Variants in NRG1 observed in about 807,000 individuals in gnomAD.
The protein encoded by NRG1 is pro-neuregulin-1, membrane-bound isoform.
NRG1 carries 18 observed loss-of-function variants against 63.8 expected under a neutral mutation model. That is an observed-to-expected ratio of 0.28 (90% CI 0.19 to 0.42). The LOEUF is 0.42. Among genes scored for constraint, NRG1 ranks in the 10% least tolerant of loss-of-function variants. The pLI, the probability that NRG1 is intolerant of heterozygous loss-of-function variation, is 1.00. For synonymous variants in NRG1, 302 were observed against 301.3 expected (o/e 1.00, Z -0.02); for missense variants, 762 against 814.7 (o/e 0.94, Z 0.79).
At chr8:32,734,418 ACT>A (rs1297195707) in intron 6 of NRG1, among the ~76,000 whole-genome samples, 1 of 152,092 alleles carries the variant, frequency 6.6e-6, no homozygotes, top group African/African-American at 2.4e-5. Context: ...ATAAGAACAC[ACT>A]TTTGTTGTAT....
intron 5 of NRG1, among the ~76,000 whole-genome samples, chr8:32,691,369 A>G (rs1388608047): frequency 2.6e-5 from 4 of 152,092 alleles, no homozygotes; most frequent in African/African-American, 9.7e-5. Context: ...CAAAACAAAC[A>G]AACAAAAATA....
chr8:32,738,586 T>C (rs1234348671), intron 6 of NRG1, among the ~76,000 whole-genome samples: 2 of 152,206 alleles, frequency 1.3e-5, no homozygotes, highest in Non-Finnish European at 2.9e-5. Context: ...CTGTTATTCT[T>C]ATCTTCCAGG....
intron 1 of NRG1, among the ~76,000 whole-genome samples, chr8:31,696,298 G>A (rs906984012): frequency 3.9e-5 from 6 of 152,108 alleles, no homozygotes; most frequent in Admixed American, 1.3e-4. Flanking sequence ...AACTCCTGAC[G>A]TCAAGTGATC....
chr8:31,958,553 T>C (rs1005203798), intron 1 of NRG1, among the ~76,000 whole-genome samples: 1 of 152,162 alleles, frequency 6.6e-6, no homozygotes, highest in Admixed American at 6.5e-5. Flanking sequence ...CCATCCTACA[T>C]GGAGAATGTA....
intron 1 of NRG1, among the ~76,000 whole-genome samples, chr8:32,295,006 A>G (rs1018273044): frequency 5.3e-5 from 8 of 152,112 alleles, no homozygotes; most frequent in Admixed American, 1.3e-4. Context: ...ATTATTTACA[A>G]TCCTCTCTCT....
chr8:32,559,082 C>T (rs1193056570), intron 1 of NRG1, among the ~76,000 whole-genome samples: 3 of 17,798 alleles, frequency 1.7e-4, no homozygotes, highest in Non-Finnish European at 4.0e-4. Flanking sequence ...CTTGTCTCAG[C>T]GAAAAAAAAA....
At chr8:32,770,415 T>G (rs1831708474), downstream of NRG1, among the ~76,000 whole-genome samples, 1 of 152,112 alleles carries the variant, frequency 6.6e-6, no homozygotes, top group Non-Finnish European at 1.5e-5. Flanking sequence ...GCAAATCCAG[T>G]TTCTTTCTAT....
chr8:32,270,059 C>T (rs1182795046), intron 1 of NRG1, among the ~76,000 whole-genome samples: 1 of 152,076 alleles, frequency 6.6e-6, no homozygotes, highest in Admixed American at 6.6e-5. Context: ...TTACGAATAC[C>T]CATAATAAAC....
intron 1 of NRG1, among the ~76,000 whole-genome samples, chr8:32,476,137 T>C (rs1824489610): frequency 6.6e-6 from 1 of 152,136 alleles, no homozygotes; most frequent in Admixed American, 6.6e-5. Context: ...TAAAGGTGTA[T>C]TTGACAAAAA....
chr8:31,936,343 T>C (rs1835299367), intron 1 of NRG1, among the ~76,000 whole-genome samples: 1 of 152,222 alleles, frequency 6.6e-6, no homozygotes, highest in Non-Finnish European at 1.5e-5. Flanking sequence ...TATTTGATGA[T>C]TTCGCAGTTA....
chr8:32,289,007 T>G (rs1368472306), intron 1 of NRG1, among the ~76,000 whole-genome samples: 1 of 152,210 alleles, frequency 6.6e-6, no homozygotes, highest in African/African-American at 2.4e-5. Flanking sequence ...TAACTGCACT[T>G]GCTGGCATGG....
At chr8:32,206,093 G>C (rs1184960296) in intron 1 of NRG1, among the ~76,000 whole-genome samples, 1 of 152,106 alleles carries the variant, frequency 6.6e-6, no homozygotes, top group African/African-American at 2.4e-5. Context: ...AACAGAATGA[G>C]ACCCTGTCTC....
intron 1 of NRG1, among the ~76,000 whole-genome samples, chr8:31,987,953 A>G (rs1810380103): frequency 6.6e-6 from 1 of 152,112 alleles, no homozygotes; most frequent in Admixed American, 6.6e-5. Context: ...GTGATCTGAA[A>G]CACAAGTACA....
At chr8:32,745,675 G>GGGTGTGTGTGTGT (rs1554661331) in intron 7 of NRG1, among the ~76,000 whole-genome samples, 1 of 151,182 alleles carries the variant, frequency 6.6e-6, no homozygotes, top group Non-Finnish European at 1.5e-5. Flanking sequence ...GTGTGTGGGG[G>GGGTGTGTGTGTGT]GTGTGTGTGT....
intron 1 of NRG1, among the ~76,000 whole-genome samples, chr8:32,112,235 T>C (rs1255069484): frequency 6.6e-6 from 1 of 152,222 alleles, no homozygotes; most frequent in Non-Finnish European, 1.5e-5. Flanking sequence ...ATATTTCCTC[T>C]GAGATGACTC....
chr8:32,047,935 C>G (rs1821275577), intron 1 of NRG1, among the ~76,000 whole-genome samples: 1 of 151,890 alleles, frequency 6.6e-6, no homozygotes, highest in South Asian at 2.1e-4. Flanking sequence ...GTTCAATCCA[C>G]CATTCTGTTC....
At chr8:32,129,401 G>A (rs966539370) in intron 1 of NRG1, among the ~76,000 whole-genome samples, 7 of 151,832 alleles carry the variant, frequency 4.6e-5, no homozygotes, top group Non-Finnish European at 1.0e-4. Context: ...TGCATGCTGT[G>A]GCTTGCTGCT....
intron 1 of NRG1, among the ~76,000 whole-genome samples, chr8:32,115,292 A>G (rs1832567720): frequency 6.6e-6 from 1 of 152,076 alleles, no homozygotes; most frequent in African/African-American, 2.4e-5. Flanking sequence ...CAGCCTCCCC[A>G]GCTGTGTAGA....
intron 1 of NRG1, among the ~76,000 whole-genome samples, chr8:32,399,853 T>C (rs948297845): frequency 6.6e-5 from 10 of 152,212 alleles, no homozygotes; most frequent in African/African-American, 2.4e-4. Context: ...TGTTAAATTT[T>C]CCATGTCTTC....
Sources: allele counts gnomAD v4.1 joint callset (sites outside exome capture counted in the v4.1 genomes callset), GRCh38; gene constraint gnomAD v4.1.1; transcripts MANE v1.5; gene names NCBI Gene and HGNC (gene_info 2026-07-23, HGNC 2026-07-21).